The following CWC27 variants were observed in gnomAD, a reference collection of about 807,000 sequenced individuals.
The protein encoded by CWC27 is CWC27 spliceosome associated cyclophilin, also known as spliceosome-associated protein CWC27 homolog.
A neutral mutation model predicts 63.6 loss-of-function variants in CWC27; 47 were observed. That is an observed-to-expected ratio of 0.74 (90% CI 0.58 to 0.94). The LOEUF (loss-of-function observed/expected upper bound fraction) is 0.94, where lower values mean the gene tolerates loss of function less well. Among genes scored for constraint, CWC27 ranks in the 40% least tolerant of loss-of-function variants. The pLI, the probability that CWC27 is intolerant of heterozygous loss-of-function variation, is 0.00. For synonymous variants in CWC27, 175 were observed against 179.8 expected, an observed-to-expected ratio of 0.97 and a Z score of 0.22; for missense variants, 495 against 554.3, an observed-to-expected ratio of 0.89 and a Z score of 1.07.
Position 64,967,540 on chromosome 5 carries a change from A to G in CWC27, c.1043-4163A>G, listed in dbSNP as rs1441396832. ...GATTCAAGACTTACTATAAACCTGCAGTAATCAAGACAGTATACTACTGGC... is the reference window on the plus strand; with the variant it reads ...GATTCAAGACTTACTATAAACCTGCGGTAATCAAGACAGTATACTACTGGC... On this transcript the variant is annotated intron_variant, in intron 11 of 13. Coordinates refer to ENST00000381070, the MANE Select transcript of CWC27 (RefSeq NM_005869.4). Among the ~76,000 whole-genome samples, 7 of 152,150 alleles carry G rather than the reference A, an allele frequency of 4.6e-5. No individual in the cohort carries two copies. In the East Asian group the frequency reaches 1.2e-3, roughly 25 times the overall value.
intron 10 of CWC27, among the ~76,000 whole-genome samples, chr5:64,861,265 C>G (rs1223725325): frequency 6.7e-6 from 1 of 148,992 alleles, no homozygotes; most frequent in Admixed American, 6.7e-5. Context: ...TTTTTTTTTT[C>G]ACTCACCACC....
rs564843942 is a variant in CWC27, at chr5:64,909,345, T to C, written c.1042+23799T>C. ...GCTTCCCTTTGTAGGTAACCCAACC[T>C]TTCTCTCTGGCTGCCCTTAACATTT... On this transcript the variant is annotated intron_variant, in intron 11 of 13. Transcript: ENST00000381070. Among the ~76,000 whole-genome samples, 5 of 152,272 alleles carry C rather than the reference T, an allele frequency of 3.3e-5. No homozygotes were observed. In the South Asian group the frequency reaches 1.0e-3, roughly 32 times the overall value.
At chr5:64,774,870 A>G (rs1478545318) in intron 2 of CWC27, 83 bp downstream of exon 2, 8 of 751,076 alleles carry the variant, frequency 1.1e-5, no homozygotes, top group Non-Finnish European at 1.8e-5. Flanking sequence ...ATTGAAGACT[A>G]GTGTTAAATA....
At chr5:64,994,982 T>G (rs917291113) in intron 13 of CWC27, among the ~76,000 whole-genome samples, 3 of 151,640 alleles carry the variant, frequency 2.0e-5, no homozygotes, top group Non-Finnish European at 2.9e-5. Context: ...TATGTGTATA[T>G]CTTTTTTATT....
At chr5:64,909,539 T>C (rs1449760847) in intron 11 of CWC27, among the ~76,000 whole-genome samples, 2 of 152,228 alleles carry the variant, frequency 1.3e-5, no homozygotes, top group East Asian at 3.8e-4. Flanking sequence ...TTTTCCAACT[T>C]GGATCCATTC....
At chr5:64,844,777 A>G (rs1443221390) in intron 10 of CWC27, 2 of 389,340 alleles carry the variant, frequency 5.1e-6, no homozygotes, top group Non-Finnish European at 1.0e-5. Flanking sequence ...TTAGAGAAGC[A>G]TAGAGCCTAG....
At chr5:64,832,546 T>G (rs1174740251) in intron 10 of CWC27, among the ~76,000 whole-genome samples, 1 of 151,820 alleles carries the variant, frequency 6.6e-6, no homozygotes, top group African/African-American at 2.4e-5. Context: ...CGCACAAGTG[T>G]TTTTCTTCAA....
At position 64,810,996 on chromosome 5, in the gene CWC27, T is replaced by A. The variant is rs377327412; in HGVS notation, c.938+6610T>A. On this transcript the variant is annotated intron_variant, in intron 10 of 13. Coordinates refer to ENST00000381070, the MANE Select transcript of CWC27 (RefSeq NM_005869.4). ...GTGTTTCTAATGTTTTTTTAAAATG[T>A]GGCTGATAAGGAATAAAATCAGTAT... is the stretch of plus-strand genomic sequence containing the variant. Among the ~76,000 whole-genome samples, 101 of 152,218 alleles carry A rather than the reference T, an allele frequency of 6.6e-4. 1 individual carries two copies. The highest frequency in any genetic ancestry group is 2.3e-3 in the African/African-American group (97 of 41,572).
In CWC27 at chr5:64,803,476, G is replaced by T. The variant is rs184740023; in HGVS notation, c.781-753G>T. Reference sequence around the variant, plus strand: ...TTAAAATATATGGTGTATCAGATAGGTGATAAGTACTTTGGAAAATAAGCC... The same window carrying T: ...TTAAAATATATGGTGTATCAGATAGTTGATAAGTACTTTGGAAAATAAGCC... On this transcript the variant is annotated intron_variant, in intron 9 of 13. Transcript: ENST00000381070. 4.6e-5 allele frequency among the ~76,000 whole-genome samples: 7 copies of T among 152,268 alleles called. No individual in the cohort carries two copies. The East Asian group carries it at 1.4e-3, about 29-fold the overall frequency.
chr5:64,804,114 T>TAAAA, intron 9 of CWC27, 115 bp from the exon 10 acceptor site: 14 of 790,624 alleles, frequency 1.8e-5, no homozygotes, highest in South Asian at 1.2e-4. Context: ...GAAAACAAAA[T>TAAAA]AAAAAAAAAA....
chr5:65,013,901 T>G (rs569976474), intron 13 of CWC27, among the ~76,000 whole-genome samples: 81 of 152,278 alleles, frequency 5.3e-4, no homozygotes, highest in Non-Finnish European at 1.1e-3. Flanking sequence ...GTTGGAATTC[T>G]ATATTAGACT....
chr5:64,823,993 G>C (rs944222990), intron 10 of CWC27, among the ~76,000 whole-genome samples: 1 of 151,998 alleles, frequency 6.6e-6, no homozygotes, highest in African/African-American at 2.4e-5. Context: ...CAACCTCATA[G>C]AACAAAAATA....
intron 13 of CWC27, among the ~76,000 whole-genome samples, chr5:64,996,631 G>T (rs543398182): frequency 6.6e-6 from 1 of 152,252 alleles, no homozygotes; most frequent in Non-Finnish European, 1.5e-5. Context: ...ATTTGGTCAA[G>T]ATGTCATAAC....
At chr5:64,822,225 G>A (rs1278024713) in intron 10 of CWC27, among the ~76,000 whole-genome samples, 2 of 152,198 alleles carry the variant, frequency 1.3e-5, no homozygotes, top group African/African-American at 4.8e-5. Context: ...AAACCTTGAA[G>A]CAGTGTTCTG....
chr5:64,998,302 G>A (rs545389276), intron 13 of CWC27, among the ~76,000 whole-genome samples: 55 of 152,214 alleles, frequency 3.6e-4, no homozygotes, highest in African/African-American at 1.3e-3. Context: ...TGTTCTGTTA[G>A]TCTACTGGCT....
chr5:65,009,105 T>C (rs1749900552), intron 13 of CWC27, among the ~76,000 whole-genome samples: 1 of 152,090 alleles, frequency 6.6e-6, no homozygotes, highest in African/African-American at 2.4e-5. Flanking sequence ...CTTCCACTCA[T>C]GGTAGAAGGC....
intron 10 of CWC27, among the ~76,000 whole-genome samples, chr5:64,824,631 TA>T (rs1396656662): frequency 1.3e-5 from 2 of 151,134 alleles, no homozygotes; most frequent in Non-Finnish European, 2.9e-5. Flanking sequence ...GTCCTAAGGG[TA>T]CCTTCTTCTA....
intron 11 of CWC27, among the ~76,000 whole-genome samples, chr5:64,914,196 A>G (rs980283898): frequency 3.3e-5 from 5 of 152,182 alleles, no homozygotes; most frequent in Admixed American, 6.5e-5. Flanking sequence ...GTGAATGACA[A>G]AGCAATAAAA....
chr5:64,788,911 TTCTC>T (rs770916705), intron 6 of CWC27, 36 bp from the exon 7 acceptor site: 29 of 1,385,730 alleles, frequency 2.1e-5, no homozygotes, highest in Admixed American at 1.1e-4. Context: ...TGATTTGACT[TTCTC>T]TTTCTTTTTT....
Sources: allele counts gnomAD v4.1 joint callset (sites outside exome capture counted in the v4.1 genomes callset), GRCh38; gene constraint gnomAD v4.1.1; transcripts MANE v1.5; gene names NCBI Gene and HGNC (gene_info 2026-07-23, HGNC 2026-07-21).